PKD1L1: variants seen among roughly 807,000 people sequenced by gnomAD.
PKD1L1 encodes polycystin-1-like protein 1.
A neutral mutation model predicts 323.4 loss-of-function variants in PKD1L1; 236 were observed. That is an observed-to-expected ratio of 0.73 (90% CI 0.66 to 0.81). The LOEUF (loss-of-function observed/expected upper bound fraction) is 0.81. PKD1L1 is among the 40% of genes least tolerant of loss of function. The pLI, the probability that PKD1L1 is intolerant of heterozygous loss-of-function variation, is 0.00. For synonymous variants in PKD1L1, 1,344 were observed against 1,335.0 expected (o/e 1.01, Z -0.15); for missense variants, 3,320 against 3,508.0 (o/e 0.95, Z 1.35).
rs781502369 is a variant in PKD1L1, at chr7:47,885,994, G to A, written c.2897C>T (p.Ser966Leu). ...AGTGGGCAGCAGGTTTAACTGTGAT[G>A]ACTCTGAAATGGCACCGAGTCCCAG... is the stretch of plus-strand genomic sequence containing the variant. ...GSLGLGAISESSQLNLLPTEP... is the reference protein window; with the variant it reads ...GSLGLGAISELSQLNLLPTEP... The change falls in exon 18 of 57, where the codon TCA (serine) becomes TTA (leucine). Residue 966 changes from serine to leucine, a missense_variant. By Grantham distance (145) the Ser-to-Leu change is moderately radical. Coordinates refer to ENST00000289672, the MANE Select transcript of PKD1L1 (RefSeq NM_138295.5). The A allele has an allele frequency of 7.4e-6, 12 of 1,614,086 alleles. No individual in the cohort carries two copies. The East Asian group carries it at 2.7e-4, about 36-fold the overall frequency.
intron 30 of PKD1L1, among the ~76,000 whole-genome samples, chr7:47,853,607 G>A (rs897468260): frequency 6.6e-6 from 1 of 152,000 alleles, no homozygotes; most frequent in Admixed American, 6.6e-5. Flanking sequence ...GCTGGGCGTG[G>A]TGATGCGCAC....
At chr7:47,798,754 C>CAA (rs150292143) in intron 54 of PKD1L1, among the ~76,000 whole-genome samples, 65,979 of 131,060 alleles carry the variant, frequency 0.5, 16,913 homozygotes, top group East Asian at 0.67. Context: ...GACTCTGTCT[C>CAA]AAAAAAAAAA....
intron 7 of PKD1L1, among the ~76,000 whole-genome samples, chr7:47,924,289 G>A (rs1328432648): frequency 6.6e-6 from 1 of 152,180 alleles, no homozygotes; most frequent in Non-Finnish European, 1.5e-5. Context: ...CAATTGGGAT[G>A]AAATCACAGG....
chr7:47,918,340 T>C (rs779146374), intron 7 of PKD1L1, among the ~76,000 whole-genome samples: 6 of 152,016 alleles, frequency 3.9e-5, no homozygotes, highest in Non-Finnish European at 5.9e-5. Flanking sequence ...CACCTAACAC[T>C]GGAGCTCCCA....
chr7:47,840,135 A>G lies in PKD1L1; in HGVS notation c.5552+326T>C, dbSNP rs756264916. Among the ~76,000 whole-genome samples, 4 of 152,090 alleles carry G rather than the reference A, an allele frequency of 2.6e-5. No individual in the cohort carries two copies. The highest frequency in any genetic ancestry group is 5.9e-5 in the Non-Finnish European group (4 of 68,006). On this transcript the variant is annotated intron_variant, in intron 35 of 56. Coordinates refer to ENST00000289672, the MANE Select transcript of PKD1L1 (RefSeq NM_138295.5). The surrounding 1 kb of genome is among the most constrained non-coding windows in gnomAD (Gnocchi z 4.1). The stretch of plus-strand genomic sequence containing the variant: ...TCTCCAACCCCACCATCTTTGTGAC[A>G]CCATGTGTCACAAACTGGGGACAAA...
chr7:47,774,962 A>G lies in PKD1L1; in HGVS notation c.*181T>C. ...TGATTATGAGTAACAGTCTGATGAC[A>G]GATAAACCTTGATTTTCATCCTGGT... On this transcript the variant is annotated 3_prime_UTR_variant, in exon 57 of 57. Transcript: ENST00000289672. 1 of 678,270 alleles carries G rather than the reference A, an allele frequency of 1.5e-6. No homozygotes were observed. The highest frequency in any genetic ancestry group is 1.8e-5 in the South Asian group (1 of 54,726). 42.0% of individuals were successfully genotyped at this position (678,270 alleles called of 1,614,324 possible). A position where few individuals can be genotyped will look rare whatever the true frequency, so the allele number is the denominator to read the frequency against.
At chr7:47,897,849 G>A (rs569099293) in intron 14 of PKD1L1, 139 bp downstream of exon 14, 2 of 626,446 alleles carry the variant, frequency 3.2e-6, no homozygotes, top group Non-Finnish European at 2.6e-6. Context: ...AAAATCCAAT[G>A]CAGATTTTTT....
chr7:47,894,307 C>G (rs796133872), intron 14 of PKD1L1, among the ~76,000 whole-genome samples: 2 of 152,124 alleles, frequency 1.3e-5, no homozygotes, highest in Admixed American at 1.3e-4. Flanking sequence ...TGGGCATTTC[C>G]TAGCTTGTGA....
intron 52 of PKD1L1, among the ~76,000 whole-genome samples, chr7:47,807,434 G>C (rs1463567979): frequency 6.6e-6 from 1 of 152,108 alleles, no homozygotes; most frequent in Non-Finnish European, 1.5e-5. Flanking sequence ...CCTGAAGATG[G>C]AGGGGAACTG....
rs1237967049 is a variant in PKD1L1, at chr7:47,812,022, A to C, written c.7376T>G (p.Leu2459Arg). 4 of 1,573,590 alleles carry C rather than the reference A, an allele frequency of 2.5e-6. No homozygotes were observed. Among genetic ancestry groups the C allele is most frequent in the Non-Finnish European group, 3.4e-6 (4 of 1,159,430 alleles). Residue 2459 changes from leucine (L) to arginine (R), a missense_variant, in exon 50 of 57, where the codon CTC becomes CGC. Transcript: ENST00000289672. Reference protein sequence around the residue: ...RTEAHTALSRLRASMWIDRST... With the variant: ...RTEAHTALSRRRASMWIDRST... ...GCGGTCAATCCACATGCTGGCCCTG[A>C]GTCGGGACAGGGCTGTGTGGGCTTC...
chr7:47,870,990 A>G (rs2128744721), intron 24 of PKD1L1, among the ~76,000 whole-genome samples: 1 of 151,898 alleles, frequency 6.6e-6, no homozygotes, highest in East Asian at 1.9e-4. Context: ...AAAAGAAAAA[A>G]AAAAAAAAAG....
chr7:47,877,455 G>A (rs1276616637), intron 22 of PKD1L1, 34 bp downstream of exon 22: 1 of 1,609,984 alleles, frequency 6.2e-7, no homozygotes, highest in East Asian at 2.2e-5. Flanking sequence ...ACTGTCGGGG[G>A]TCTCTCAGGA....
chr7:47,840,627 C>T lies in PKD1L1; in HGVS notation c.5446-60G>A. The T allele has an allele frequency of 7.7e-7, 1 of 1,295,660 alleles. No individual in the cohort carries two copies. The highest frequency in any genetic ancestry group is 1.2e-5 in the South Asian group (1 of 83,836). 80.3% of individuals were successfully genotyped at this position (1,295,660 alleles called of 1,614,324 possible). A position where few individuals can be genotyped will look rare whatever the true frequency, so the allele number is the denominator to read the frequency against. On this transcript the variant is annotated intron_variant, in intron 34 of 56. Coordinates refer to ENST00000289672, the MANE Select transcript of PKD1L1 (RefSeq NM_138295.5). The surrounding 1 kb of genome is among the most constrained non-coding windows in gnomAD (Gnocchi z 4.1). Reference sequence around the variant, plus strand: ...ATTTCACAGCAGACACCATGCAATGCTGGGCAGGGCTTCCTCGCACTTTCT... The same window carrying T: ...ATTTCACAGCAGACACCATGCAATGTTGGGCAGGGCTTCCTCGCACTTTCT...
At chr7:47,785,074 G>A (rs1163511789) in intron 56 of PKD1L1, among the ~76,000 whole-genome samples, 2 of 152,164 alleles carry the variant, frequency 1.3e-5, no homozygotes, top group African/African-American at 4.8e-5. Context: ...GAGCAGGTGA[G>A]AATGATCATT....
At position 47,905,868 on chromosome 7, in the gene PKD1L1, G is replaced by A. The variant is rs145857921; in HGVS notation, c.1497C>T (p.Ser499=). Residue 499 remains serine (S), a synonymous_variant, in exon 10 of 57, where the codon AGC becomes AGT. Coordinates refer to ENST00000289672, the MANE Select transcript of PKD1L1 (RefSeq NM_138295.5). ...TQVGDSQAWH[S]MTVWYKMQSV... ...ATTGCATCTTATACCAGACAGTCAT[G>A]CTGTGCCAAGCCTGGCTGTCACCCA... 90 of 1,613,246 alleles carry A rather than the reference G, an allele frequency of 5.6e-5. No individual in the cohort carries two copies. The African/African-American group carries it at 1.0e-3, about 18-fold the overall frequency.
At chr7:47,793,816 T>C (rs1016080887) in intron 55 of PKD1L1, among the ~76,000 whole-genome samples, 11 of 152,090 alleles carry the variant, frequency 7.2e-5, no homozygotes, top group African/African-American at 2.7e-4. Context: ...AAAATGCTGA[T>C]AGTGATATGA....
At position 47,877,482 on chromosome 7, in the gene PKD1L1, C is replaced by T. The variant is rs747920623; in HGVS notation, c.3663+7G>A. On this transcript the variant is annotated splice_region_variant and intron_variant, in intron 22 of 56. Coordinates refer to ENST00000289672, the MANE Select transcript of PKD1L1 (RefSeq NM_138295.5). ...CTCTCAGGACAGACATGGGGTTGTC[C>T]ACGTACCGGTTTTCCAGACATGCAG... The T allele has an allele frequency of 6.2e-7, 1 of 1,613,362 alleles. No individual in the cohort carries two copies. The highest frequency in any genetic ancestry group is 8.5e-7 in the Non-Finnish European group (1 of 1,179,770).
At chr7:47,957,586 G>C in the PKD1L1 span, among the ~76,000 whole-genome samples, 1 of 152,026 alleles carries the variant, frequency 6.6e-6, no homozygotes, top group South Asian at 2.1e-4. Context: ...ACAGCTCACT[G>C]CAGCCTCAAC....
At chr7:47,783,756 C>A (rs1286382421) in intron 56 of PKD1L1, among the ~76,000 whole-genome samples, 2 of 152,172 alleles carry the variant, frequency 1.3e-5, no homozygotes, top group Admixed American at 6.5e-5. Context: ...CTGCTGACAC[C>A]CTGACCTTGG....
Sources: allele counts gnomAD v4.1 joint callset (sites outside exome capture counted in the v4.1 genomes callset), GRCh38; gene constraint gnomAD v4.1.1; non-coding constraint Gnocchi (gnomAD v3.1); transcripts MANE v1.5; gene names NCBI Gene and HGNC (gene_info 2026-07-23, HGNC 2026-07-21).